ZNF48: variants seen among roughly 807,000 people sequenced by gnomAD.
The protein encoded by ZNF48 is zinc finger protein 48.
A neutral mutation model predicts 40.0 loss-of-function variants in ZNF48; 20 were observed. The observed-to-expected ratio is 0.50, with a 90% CI of 0.35 to 0.73. ZNF48 has a LOEUF of 0.73. Among genes scored for constraint, ZNF48 ranks in the 30% least tolerant of loss-of-function variants. ZNF48 has a pLI of 0.01. For missense variants in ZNF48, 726 were observed against 851.9 expected, an observed-to-expected ratio of 0.85 and a Z score of 1.84; for synonymous variants, 298 against 329.7, an observed-to-expected ratio of 0.90 and a Z score of 1.04.
upstream of ZNF48, chr16:30,394,941 C>T (rs968669561): frequency 9.4e-6 from 3 of 318,244 alleles, no homozygotes; most frequent in African/African-American, 6.5e-5. Flanking sequence ...CTCCCCAGCC[C>T]AGCCCCCATT....
chr16:30,381,117 T>G lies in ZNF48; in HGVS notation c.-16+2707T>G, dbSNP rs1247359880. On this transcript the variant is annotated intron_variant, in intron 1 of 2. Coordinates refer to the ZNF48 transcript ENST00000528032. This position sits in a 1 kb window ranked among gnomAD's most constrained non-coding sequence, Gnocchi z 4.3. ...ACATGGGGTCAAAGGTCAGAGGTCA[T>G]CACTCACACCTTCTGCTTGAGGGCC... The G allele has an allele frequency of 1.3e-6, 2 of 1,599,708 alleles. No individual in the cohort carries two copies. Among genetic ancestry groups the G allele is most frequent in the Non-Finnish European group, 1.7e-6 (2 of 1,166,892 alleles).
chr16:30,378,338 G>T, exon 1 of ZNF48: 1 of 1,213,702 alleles, frequency 8.2e-7, no homozygotes, highest in South Asian at 1.5e-5. Flanking sequence ...CGGCACCCGC[G>T]GAGGTCCCGG....
At chr16:30,388,115 C>A (rs2049915456) in intron 1 of ZNF48, among the ~76,000 whole-genome samples, 1 of 151,868 alleles carries the variant, frequency 6.6e-6, no homozygotes, top group Non-Finnish European at 1.5e-5. Context: ...TGATTACAGG[C>A]ATGCACCACC....
intron 1 of ZNF48, among the ~76,000 whole-genome samples, chr16:30,383,500 A>C (rs944850404): frequency 5.3e-5 from 8 of 152,086 alleles, no homozygotes; most frequent in Non-Finnish European, 1.2e-4. Context: ...ACGCTGTTTC[A>C]AAAAAAGAAA....
In ZNF48 at chr16:30,397,736, T is replaced by C; in HGVS notation, c.486T>C (p.His162=). The C allele has an allele frequency of 6.2e-7, 1 of 1,610,942 alleles. No individual in the cohort carries two copies. The highest frequency in any genetic ancestry group is 2.2e-5 in the East Asian group (1 of 44,708). ...CCCGGATCAAACACCAGCGGACTCA[T>C]AGTGGGGAGAAGCCCTATAGAGCCC... is the stretch of plus-strand genomic sequence containing the variant. ...SSARIKHQRT[H]SGEKPYRARP... The change falls in exon 3 of 3, where the codon CAT becomes CAC. Residue 162 remains histidine (H), a synonymous_variant. Transcript: ENST00000613509. The surrounding 1 kb of genome is among the most constrained non-coding windows in gnomAD (Gnocchi z 4.1).
At chr16:30,379,992 CT>C (rs1463597028) in intron 1 of ZNF48, 1 of 1,612,106 alleles carries the variant, frequency 6.2e-7, no homozygotes, top group Admixed American at 1.7e-5. Flanking sequence ...ATTCGGGGAA[CT>C]GGTAGATGTG....
In ZNF48 at chr16:30,397,694, C is replaced by T; in HGVS notation, c.444C>T (p.Gly148=). Reference sequence around the variant, plus strand: ...ACAAGTGTGGGGTCTGTGGCAAGGGCTTTGGGGATAGCTCTGCCCGGATCA... The same window carrying T: ...ACAAGTGTGGGGTCTGTGGCAAGGGTTTTGGGGATAGCTCTGCCCGGATCA... ...KPYKCGVCGK[G]FGDSSARIKH... Residue 148 remains glycine (G), a synonymous_variant, in exon 3 of 3, where the codon GGC becomes GGT. Coordinates refer to ENST00000613509, the MANE Select transcript of ZNF48 (RefSeq NM_001214909.2). The surrounding 1 kb of genome is among the most constrained non-coding windows in gnomAD (Gnocchi z 4.1). The T allele has an allele frequency of 6.2e-7, 1 of 1,613,936 alleles. No individual in the cohort carries two copies. The highest frequency in any genetic ancestry group is 1.1e-5 in the South Asian group (1 of 91,068).
Position 30,397,083 on chromosome 16 carries a change from T to C in ZNF48, c.80-247T>C, listed in dbSNP as rs1049194506. Among the ~76,000 whole-genome samples, 4 of 152,196 alleles carry C rather than the reference T, an allele frequency of 2.6e-5. No individual in the cohort carries two copies. The highest frequency in any genetic ancestry group is 7.2e-5 in the African/African-American group (3 of 41,444). On this transcript the variant is annotated intron_variant, in intron 2 of 2. Coordinates refer to ENST00000613509, the MANE Select transcript of ZNF48 (RefSeq NM_001214909.2). This position sits in a 1 kb window ranked among gnomAD's most constrained non-coding sequence, Gnocchi z 4.1. ...GCCTGTAATATGGGGATAGTCATAG[T>C]GTTATAGTATTGTTTGCAAGCGTTT...
At chr16:30,392,539 A>T (rs1567431440), upstream of ZNF48, among the ~76,000 whole-genome samples, 1 of 152,172 alleles carries the variant, frequency 6.6e-6, no homozygotes, top group Non-Finnish European at 1.5e-5. Flanking sequence ...CTCCAGGCAG[A>T]GTCTGGACTT....
intron 1 of ZNF48, among the ~76,000 whole-genome samples, chr16:30,385,927 ACCAGT>A (rs1372708196): frequency 6.6e-6 from 1 of 151,934 alleles, no homozygotes; most frequent in Non-Finnish European, 1.5e-5. Flanking sequence ...GGAGTTCAAG[ACCAGT>A]CTGGTCAACA....
chr16:30,380,001 G>A (rs868162285), intron 1 of ZNF48: 3 of 1,612,664 alleles, frequency 1.9e-6, no homozygotes, highest in Middle Eastern at 3.3e-4. Context: ...ACTGGTAGAT[G>A]TGGATCTCCT....
chr16:30,397,776 G>T lies in ZNF48; in HGVS notation c.526G>T (p.Gly176Cys), dbSNP rs1467295816. 6.2e-7 allele frequency: 1 copy of T among 1,613,460 alleles called. No homozygotes were observed. The highest frequency in any genetic ancestry group is 1.3e-5 in the African/African-American group (1 of 74,786). ...CTATAGAGCCCGGCCACCAGCCCAG[G>T]GTCCCCCAAAGATTCCTCGGTCCCG... is the stretch of plus-strand genomic sequence containing the variant. ...KPYRARPPAQ[G>C]PPKIPRSRIP... The change falls in exon 3 of 3, where the codon GGT (glycine) becomes TGT (cysteine). Residue 176 changes from glycine (G) to cysteine (C), a missense_variant. Physicochemically the swap from Gly to Cys is radical, Grantham distance 159. Coordinates refer to ENST00000613509, the MANE Select transcript of ZNF48 (RefSeq NM_001214909.2). The surrounding 1 kb of genome is among the most constrained non-coding windows in gnomAD (Gnocchi z 4.1).
chr16:30,387,683 C>T (rs1309627493), intron 1 of ZNF48, among the ~76,000 whole-genome samples: 7 of 150,796 alleles, frequency 4.6e-5, no homozygotes, highest in African/African-American at 9.7e-5. Context: ...CTCAGCCTCC[C>T]GACTAGCTGT....
chr16:30,392,342 G>A (rs2049949556), upstream of ZNF48, among the ~76,000 whole-genome samples: 1 of 152,040 alleles, frequency 6.6e-6, no homozygotes, highest in Non-Finnish European at 1.5e-5. Flanking sequence ...TTTAGAGATG[G>A]GTTTTCACCA....
chr16:30,381,854 G>A lies in ZNF48; in HGVS notation c.-16+3444G>A, dbSNP rs1464036663. ...CCTTCCTCAATCTCTACGCCCCGGC[G>A]CTCAATGGCCAGGGTCTGTGTCAAG... On this transcript the variant is annotated intron_variant, in intron 1 of 2. Coordinates refer to the ZNF48 transcript ENST00000528032. This position sits in a 1 kb window ranked among gnomAD's most constrained non-coding sequence, Gnocchi z 4.3. 10 of 1,614,028 alleles carry A rather than the reference G, an allele frequency of 6.2e-6. No individual in the cohort carries two copies. Among genetic ancestry groups the A allele is most frequent in the East Asian group, 2.2e-5 (1 of 44,896 alleles).
At chr16:30,378,778 G>A in intron 1 of ZNF48, 3 of 1,384,118 alleles carry the variant, frequency 2.2e-6, no homozygotes, top group South Asian at 2.5e-5. Flanking sequence ...GCAGGGCCTG[G>A]GGCGAGGTTG....
rs2049861519 is a variant in ZNF48 at position 30,382,331 on chromosome 16, T to C, written c.-16+3921T>C. ...CTTGACAGACTTGCGGTGCAGCTGG[T>C]TGGGGAGGGCAGCAAAACCCACGTA... On this transcript the variant is annotated intron_variant, in intron 1 of 2. Coordinates refer to the ZNF48 transcript ENST00000528032. This position sits in a 1 kb window ranked among gnomAD's most constrained non-coding sequence, Gnocchi z 4.8. The C allele has an allele frequency of 4.3e-6, 7 of 1,613,634 alleles. No homozygotes were observed. The highest frequency in any genetic ancestry group is 2.7e-5 in the African/African-American group (2 of 74,986).
rs1473310595 is a variant in ZNF48, at chr16:30,381,460, C to T, written c.-16+3050C>T. On this transcript the variant is annotated intron_variant, in intron 1 of 2. Coordinates refer to the ZNF48 transcript ENST00000528032. This position sits in a 1 kb window ranked among gnomAD's most constrained non-coding sequence, Gnocchi z 4.3. ...TCAAATTGCTCCTCGATGAATTTCA[C>T]CACCGGAAGCCAGCTGGGTGTGGGG... is the stretch of plus-strand genomic sequence containing the variant. 6.2e-7 allele frequency: 1 copy of T among 1,614,020 alleles called. No individual in the cohort carries two copies. Among genetic ancestry groups the T allele is most frequent in the East Asian group, 2.2e-5 (1 of 44,882 alleles).
At chr16:30,395,035 G>A, upstream of ZNF48, 1 of 143,486 alleles carries the variant, frequency 7.0e-6, no homozygotes, top group Non-Finnish European at 1.4e-5. This position sits in a 1 kb window ranked among gnomAD's most constrained non-coding sequence, Gnocchi z 5.9. Context: ...GCCCCGCCCC[G>A]TCTGGGGTCT....
Sources: gnomAD v4.1 joint callset for allele counts (sites outside exome capture counted in the v4.1 genomes callset) on GRCh38, gnomAD v4.1.1 for gene constraint, Gnocchi (gnomAD v3.1) non-coding constraint, MANE v1.5 for transcripts, NCBI Gene and HGNC (gene_info 2026-07-23, HGNC 2026-07-21) for gene names.